The following PDE4D variants were observed in gnomAD, a reference collection of about 807,000 sequenced individuals.
PDE4D encodes the protein phosphodiesterase 4D, also known as 3',5'-cyclic-AMP phosphodiesterase 4D.
Under a neutral mutation model 87.4 loss-of-function variants are expected in PDE4D, and 24 were observed. The ratio of observed to expected loss-of-function variants is 0.27; its 90% CI spans 0.20 to 0.39. The LOEUF is 0.39. PDE4D is among the 10% of genes least tolerant of loss of function. The probability of loss-of-function intolerance (pLI) is 1.00; values close to 1 mark genes in which losing one functional copy is unlikely to be tolerated. For missense variants in PDE4D, 714 were observed against 1,041.0 expected (o/e 0.69, Z 4.32); for synonymous variants, 384 against 383.2 (o/e 1.00, Z -0.02).
chr5:59,781,150 G>A lies in PDE4D; in HGVS notation c.455+112018C>T, dbSNP rs141496058. On this transcript the variant is annotated intron_variant, in intron 1 of 14. Coordinates refer to ENST00000340635, the MANE Select transcript of PDE4D (RefSeq NM_001104631.2). Reference sequence around the variant, plus strand: ...CACTGCACTCCAGCCTGGGTGACAAGAGTTAAACTCCTTCTCAAAAAAAAA... The same window carrying A: ...CACTGCACTCCAGCCTGGGTGACAAAAGTTAAACTCCTTCTCAAAAAAAAA... Among the ~76,000 whole-genome samples the A allele has an allele frequency of 4.4e-3, 492 of 111,980 alleles. 3 individuals are homozygous for A. The highest frequency in any genetic ancestry group is 0.016 in the African/African-American group (473 of 30,264). The allele number at this position is 111,980 out of a possible 152,430, so 73.5% of individuals were successfully genotyped here.
chr5:60,481,457 C>G (rs1748725335), intron 1 of PDE4D, among the ~76,000 whole-genome samples: 1 of 151,886 alleles, frequency 6.6e-6, no homozygotes, highest in African/African-American at 2.4e-5. Flanking sequence ...AACTATAAAC[C>G]AAGCTTATGT....
intron 2 of PDE4D, among the ~76,000 whole-genome samples, chr5:59,199,238 C>A (rs143552090): frequency 8.8e-4 from 130 of 147,224 alleles, no homozygotes; most frequent in African/African-American, 3.2e-3. Flanking sequence ...CAGGCTGGGG[C>A]TTACGTTTGA....
intron 1 of PDE4D, among the ~76,000 whole-genome samples, chr5:59,690,490 T>C (rs1308823542): frequency 6.6e-6 from 1 of 152,142 alleles, no homozygotes; most frequent in East Asian, 1.9e-4. Flanking sequence ...ATTTAATAAA[T>C]TGTGCTGGAA....
intron 2 of PDE4D, among the ~76,000 whole-genome samples, chr5:60,036,397 C>T (rs1767802883): frequency 6.6e-6 from 1 of 152,062 alleles, no homozygotes; most frequent in African/African-American, 2.4e-5. Context: ...ATTCCTGTAT[C>T]AGGAAAAAAG....
chr5:60,461,715 T>C (rs1441203723), intron 1 of PDE4D, among the ~76,000 whole-genome samples: 1 of 152,230 alleles, frequency 6.6e-6, no homozygotes, highest in African/African-American at 2.4e-5. Context: ...CAGATTTCAA[T>C]TGATGAAACA....
intron 1 of PDE4D, among the ~76,000 whole-genome samples, chr5:60,310,513 A>G (rs754595770): frequency 6.6e-5 from 10 of 152,186 alleles, no homozygotes; most frequent in Non-Finnish European, 1.3e-4. Context: ...AGACTGGTTA[A>G]ATGCTCAAAA....
In PDE4D at chr5:60,519,684, G is replaced by A. The variant is rs75318913; in HGVS notation, n.70+2367C>T. Among the ~76,000 whole-genome samples the A allele has an allele frequency of 8.0e-3, 1,224 of 152,254 alleles. 17 individuals carry two copies. The highest frequency in any genetic ancestry group is 0.028 in the African/African-American group (1,177 of 41,534). On this transcript the variant is annotated intron_variant and non_coding_transcript_variant, in intron 1 of 2. Transcript: ENST00000506510. ...CTGTTGGTGGGTGGGATTTTCCTTT[G>A]GTAACTGTCTCCAAAAGTGCCTTTG...
At chr5:59,773,124 C>T (rs1298379716) in intron 1 of PDE4D, among the ~76,000 whole-genome samples, 2 of 152,192 alleles carry the variant, frequency 1.3e-5, no homozygotes, top group African/African-American at 4.8e-5. Context: ...GAGAAATTCA[C>T]ACTTAGTAGA....
rs756128736 is a variant in PDE4D, at chr5:58,989,723, T to A, written c.1452+32A>T. 8.1e-6 allele frequency: 12 copies of A among 1,479,838 alleles called. No individual in the cohort carries two copies. The African/African-American group carries it at 1.4e-4, about 17-fold the overall frequency. The allele number at this position is 1,479,838 out of a possible 1,614,324, so 91.7% of individuals were successfully genotyped here. A position where few individuals can be genotyped will look rare whatever the true frequency, so the allele number is the denominator to read the frequency against. ...TAATAGACCTTTATGAGTGGCAAGT[T>A]AGTGTTCTTGAAATTTCAGAAACAG... is the stretch of plus-strand genomic sequence containing the variant. On this transcript the variant is annotated intron_variant, in intron 10 of 14. Transcript: ENST00000340635.
At chr5:59,764,852 T>C (rs1337309111) in intron 1 of PDE4D, among the ~76,000 whole-genome samples, 2 of 151,994 alleles carry the variant, frequency 1.3e-5, no homozygotes, top group Non-Finnish European at 2.9e-5. Context: ...AGACGGTGTT[T>C]CGCCATGTTG....
At chr5:59,119,883 T>C (rs1774205389) in intron 5 of PDE4D, among the ~76,000 whole-genome samples, 1 of 152,228 alleles carries the variant, frequency 6.6e-6, no homozygotes, top group Non-Finnish European at 1.5e-5. Flanking sequence ...CTTGTTCTGC[T>C]GCATAGGCCA....
In PDE4D at chr5:60,231,230, G is replaced by A. The variant is rs566972449; in HGVS notation, c.-89-45543C>T. 5.3e-5 allele frequency among the ~76,000 whole-genome samples: 8 copies of A among 152,034 alleles called. 1 individual carries two copies. In the East Asian group the frequency reaches 1.2e-3, roughly 22 times the overall value. On this transcript the variant is annotated intron_variant, in intron 1 of 16. Transcript: ENST00000502484. ...CTCATCTCAGGCAGTCTTGGTGCAC[G>A]ACACTGTCCTAGCTATAGTGATTAG...
rs2153303415 is a variant in PDE4D, at chr5:58,975,639, A to G, written c.2013+18T>C. ...GGTAGCTCTGTTCTCTCTGAAAGCT[A>G]TACACTTCATGCATTACCTGTGATT... On this transcript the variant is annotated intron_variant, in intron 14 of 14. Transcript: ENST00000340635. The surrounding 1 kb of genome is among the most constrained non-coding windows in gnomAD (Gnocchi z 4.2). 6.4e-7 allele frequency: 1 copy of G among 1,558,200 alleles called. No individual in the cohort carries two copies. Among genetic ancestry groups the G allele is most frequent in the Non-Finnish European group, 8.7e-7 (1 of 1,149,524 alleles).
chr5:59,125,202 G>T, intron 5 of PDE4D: 1 of 732,348 alleles, frequency 1.4e-6, no homozygotes, highest in Non-Finnish European at 1.7e-6. Flanking sequence ...GCTAGAGTTA[G>T]ACTGGTGTCC....
chr5:59,442,535 C>T (rs1001414979), intron 1 of PDE4D, among the ~76,000 whole-genome samples: 1 of 152,074 alleles, frequency 6.6e-6, no homozygotes, highest in African/African-American at 2.4e-5. Flanking sequence ...TGTGAGTGAA[C>T]AAATATTTAA....
chr5:59,113,168 C>T (rs201715853), intron 5 of PDE4D, among the ~76,000 whole-genome samples: 2 of 152,060 alleles, frequency 1.3e-5, no homozygotes, highest in East Asian at 1.9e-4. Context: ...GACATTATAC[C>T]CAGTGATACA....
chr5:59,098,575 G>T lies in PDE4D; in HGVS notation c.809-59604C>A, dbSNP rs549993641. 2.0e-5 allele frequency among the ~76,000 whole-genome samples: 3 copies of T among 151,410 alleles called. No homozygotes were observed. In the East Asian group the frequency reaches 5.8e-4, roughly 29 times the overall value. ...AAAAAATTGCTGGGTATGGTGGCAT[G>T]CACCTGTGGTTCCAGCTACTCGTGA... On this transcript the variant is annotated intron_variant, in intron 5 of 14. Coordinates refer to ENST00000340635, the MANE Select transcript of PDE4D (RefSeq NM_001104631.2).
At chr5:59,549,491 G>T (rs915537212) in intron 1 of PDE4D, among the ~76,000 whole-genome samples, 2 of 152,004 alleles carry the variant, frequency 1.3e-5, no homozygotes, top group Non-Finnish European at 2.9e-5. Flanking sequence ...CTTTTTCAAG[G>T]GTTGAATCTC....
In PDE4D at chr5:59,232,990, T is replaced by C. The variant is rs115870154; in HGVS notation, c.456-17022A>G. Among the ~76,000 whole-genome samples the C allele has an allele frequency of 1.6e-3, 240 of 152,052 alleles. 2 individuals carry two copies. Among genetic ancestry groups the C allele is most frequent in the African/African-American group, 5.4e-3 (222 of 41,474 alleles). ...ACTCATAAGTGGGTGCTAAAAAAAG[T>C]TGATATCATGAAGGTAATAGAATGA... On this transcript the variant is annotated intron_variant, in intron 1 of 14. Coordinates refer to ENST00000340635, the MANE Select transcript of PDE4D (RefSeq NM_001104631.2).
Sources: gnomAD v4.1 joint callset for allele counts (sites outside exome capture counted in the v4.1 genomes callset) on GRCh38, gnomAD v4.1.1 for gene constraint, Gnocchi (gnomAD v3.1) non-coding constraint, MANE v1.5 for transcripts, NCBI Gene and HGNC (gene_info 2026-07-23, HGNC 2026-07-21) for gene names.